The following SPTB variants were observed in gnomAD, a reference collection of about 807,000 sequenced individuals.
SPTB encodes the protein spectrin beta chain, erythrocytic.
SPTB carries 45 observed loss-of-function variants against 256.2 expected under a neutral mutation model. The ratio of observed to expected loss-of-function variants is 0.18; its 90% CI spans 0.14 to 0.23. SPTB has a LOEUF of 0.23. SPTB is among the 10% of genes least tolerant of loss of function. The pLI is 1.00. For missense variants in SPTB, 2,715 were observed against 3,040.4 expected, an observed-to-expected ratio of 0.89 and a Z score of 2.52; for synonymous variants, 1,231 against 1,243.1, an observed-to-expected ratio of 0.99 and a Z score of 0.21.
chr14:64,785,641 CA>C lies in SPTB; in HGVS notation c.3765-15del. The C allele has an allele frequency of 6.2e-7, 1 of 1,613,956 alleles. No individual in the cohort carries two copies. The highest frequency in any genetic ancestry group is 8.5e-7 in the Non-Finnish European group (1 of 1,179,888). The stretch of plus-strand genomic sequence containing the variant: ...TTCTTCCTGTGCCTGGAAAGGAAGC[CA>C]AAAGCACAGTCACAATAGTGCCGAG... On this transcript the variant is annotated splice_polypyrimidine_tract_variant and intron_variant, in intron 17 of 35. Coordinates refer to ENST00000644917, the MANE Select transcript of SPTB (RefSeq NM_001355436.2). This position sits in a 1 kb window ranked among gnomAD's most constrained non-coding sequence, Gnocchi z 4.4.
At position 64,758,834 on chromosome 14, in the gene SPTB, G is replaced by A. The variant is rs949155815; in HGVS notation, c.6346-5041C>T. Among the ~76,000 whole-genome samples, 12 of 152,026 alleles carry A rather than the reference G, an allele frequency of 7.9e-5. No homozygotes were observed. Among genetic ancestry groups the A allele is most frequent in the Admixed American group, 4.6e-4 (7 of 15,260 alleles). The stretch of plus-strand genomic sequence containing the variant: ...CACAGCCCTGCAAGTATGTGAGTGT[G>A]TATGTGTATGTAAAGATCTTTTGCA... On this transcript the variant is annotated intron_variant, in intron 32 of 35. Transcript: ENST00000644917. The surrounding 1 kb of genome is among the most constrained non-coding windows in gnomAD (Gnocchi z 4.6).
At chr14:64,801,969 G>A in intron 5 of SPTB, 135 bp from the exon 6 acceptor site, 1 of 926,296 alleles carries the variant, frequency 1.1e-6, no homozygotes. Context: ...AGAGGGGGCA[G>A]CAGCTAACCA....
rs2082344169 is a variant in SPTB, at chr14:64,775,510, T to C, written c.4564-107A>G. 1 of 1,418,404 alleles carries C rather than the reference T, an allele frequency of 7.1e-7. No homozygotes were observed. The highest frequency in any genetic ancestry group is 2.3e-5 in the Admixed American group (1 of 44,056). 87.9% of individuals were successfully genotyped at this position (1,418,404 alleles called of 1,614,324 possible). A position where few individuals can be genotyped will look rare whatever the true frequency, so the allele number is the denominator to read the frequency against. On this transcript the variant is annotated intron_variant, in intron 22 of 35. Coordinates refer to ENST00000644917, the MANE Select transcript of SPTB (RefSeq NM_001355436.2). This position sits in a 1 kb window ranked among gnomAD's most constrained non-coding sequence, Gnocchi z 5.0. Reference sequence around the variant, plus strand: ...ACACCCTTGGTCCCTCTCACCCCCGTTGCTAGAGCAGAGCAGGTGATGGCG... The same window carrying C: ...ACACCCTTGGTCCCTCTCACCCCCGCTGCTAGAGCAGAGCAGGTGATGGCG...
rs764568656 is a variant in SPTB, at chr14:64,803,793, AG to A, written c.301-14del. On this transcript the variant is annotated splice_polypyrimidine_tract_variant and intron_variant, in intron 3 of 35. Transcript: ENST00000644917. ...TGGTGGGCTTTGGCTGGGGGACAGC[AG>A]TGGCCCCCGTGGGCATGGAGGGACT... 1.2e-5 allele frequency: 19 copies of A among 1,600,034 alleles called. No homozygotes were observed. In the African/African-American group the frequency reaches 1.7e-4, roughly 15 times the overall value.
chr14:64,752,886 T>G (rs930558202), intron 33 of SPTB, among the ~76,000 whole-genome samples: 1 of 151,996 alleles, frequency 6.6e-6, no homozygotes, highest in Non-Finnish European at 1.5e-5. Flanking sequence ...AGGAGGCCCC[T>G]GGGGGCCCCA....
At position 64,786,896 on chromosome 14, in the gene SPTB, G is replaced by C. The variant is rs142823994; in HGVS notation, c.3069C>G (p.Asp1023Glu). Residue 1023 changes from aspartate (D) to glutamate (E), a missense_variant, in exon 16 of 36, where the codon GAC (aspartate) becomes GAG (glutamate). Physicochemically the swap from Asp to Glu is conservative, Grantham distance 45 (BLOSUM62 2). Around this residue, in one of 4 missense-constraint regions of SPTB, gnomAD observed 2,239 missense variants for 2,384.4 expected, o/e 0.94. Transcript: ENST00000644917. The surrounding 1 kb of genome is among the most constrained non-coding windows in gnomAD (Gnocchi z 5.6). The part of the protein sequence containing the change: ...ALERESQQLM[D>E]SHPEQKEDIG... The stretch of plus-strand genomic sequence containing the variant: ...TATCCTCCTTCTGCTCAGGGTGCGA[G>C]TCCATCAGCTGCTGGGACTCACGCT... The C allele has an allele frequency of 6.2e-7, 1 of 1,612,868 alleles. No individual in the cohort carries two copies. The highest frequency in any genetic ancestry group is 8.5e-7 in the Non-Finnish European group (1 of 1,180,044).
intron 4 of SPTB, among the ~76,000 whole-genome samples, chr14:64,803,394 A>T (rs1196175221): frequency 6.6e-6 from 1 of 152,198 alleles, no homozygotes; most frequent in Non-Finnish European, 1.5e-5. Context: ...AAAAGACCAT[A>T]CTACTGAGTG....
At chr14:64,860,377 G>A (rs2083948431) in intron 1 of SPTB, among the ~76,000 whole-genome samples, 1 of 152,176 alleles carries the variant, frequency 6.6e-6, no homozygotes, top group African/African-American at 2.4e-5. Flanking sequence ...GGCACTGAGA[G>A]GCACAGGAGG....
At chr14:64,765,378 G>C (rs185839361) in intron 32 of SPTB, among the ~76,000 whole-genome samples, 180 of 152,248 alleles carry the variant, frequency 1.2e-3, no homozygotes, top group Admixed American at 3.8e-3. Flanking sequence ...CCCCAGAGCA[G>C]CTCCCTAAGC....
Position 64,793,717 on chromosome 14 carries a change from G to A in SPTB, c.1946C>T (p.Ala649Val). ...LWKFFWEMDE[A>V]ESWIKEKEQI... Reference sequence around the variant, plus strand: ...CTCCTTCTCCTTGATCCAGCTCTCAGCCTCATCCATCTCCCAGAAGAACTT... The same window carrying A: ...CTCCTTCTCCTTGATCCAGCTCTCAACCTCATCCATCTCCCAGAAGAACTT... The change falls in exon 14 of 36, where the codon GCT becomes GTT. Residue 649 changes from alanine to valine, a missense_variant. Transcript: ENST00000644917. This position sits in a 1 kb window ranked among gnomAD's most constrained non-coding sequence, Gnocchi z 7.0. The A allele has an allele frequency of 6.2e-7, 1 of 1,614,154 alleles. No homozygotes were observed. The highest frequency in any genetic ancestry group is 8.5e-7 in the Non-Finnish European group (1 of 1,180,042).
intron 2 of SPTB, among the ~76,000 whole-genome samples, chr14:64,822,366 T>TGG: frequency 2.5e-3 from 2 of 786 alleles, no homozygotes; most frequent in Non-Finnish European, 4.3e-3. Context: ...TCTCTCTCTC[T>TGG]CTCTCTCTCA....
At chr14:64,821,365 T>C (rs192732727) in intron 2 of SPTB, among the ~76,000 whole-genome samples, 10 of 152,332 alleles carry the variant, frequency 6.6e-5, no homozygotes, top group African/African-American at 2.2e-4. Context: ...GCTTTAAACA[T>C]AGTAGGAGTA....
At position 64,785,914 on chromosome 14, in the gene SPTB, A is replaced by G; in HGVS notation, c.3599T>C (p.Leu1200Pro). 1 of 1,614,098 alleles carries G rather than the reference A, an allele frequency of 6.2e-7. No homozygotes were observed. Among genetic ancestry groups the G allele is most frequent in the South Asian group, 1.1e-5 (1 of 91,082 alleles). The change falls in exon 17 of 36, where the codon CTG (leucine) becomes CCG (proline). Residue 1200 changes from leucine to proline, a missense_variant. Coordinates refer to ENST00000644917, the MANE Select transcript of SPTB (RefSeq NM_001355436.2). The surrounding 1 kb of genome is among the most constrained non-coding windows in gnomAD (Gnocchi z 4.4). ...CCGGATCCCAGCCTCTGCAGCTTCC[A>G]GGGAGTCTGGGGGCTCCAAGTGAGC... ...TLAHLEPPDS[L>P]EAAEAGIRKF...
At chr14:64,837,834 CTGG>C (rs2139743505) in intron 1 of SPTB, among the ~76,000 whole-genome samples, 2 of 125,684 alleles carry the variant, frequency 1.6e-5, no homozygotes, top group East Asian at 2.4e-4. Flanking sequence ...CTCCTGACCT[CTGG>C]ATCACCTCTG....
chr14:64,752,728 G>A (rs2081969749), intron 33 of SPTB, among the ~76,000 whole-genome samples: 1 of 152,152 alleles, frequency 6.6e-6, no homozygotes, highest in Non-Finnish European at 1.5e-5. Context: ...GCCCCCAAAT[G>A]GTTCCTTTTT....
Position 64,762,453 on chromosome 14 carries a change from A to C in SPTB, c.6345+4273T>G, listed in dbSNP as rs561618347. Among the ~76,000 whole-genome samples the C allele has an allele frequency of 5.3e-5, 8 of 152,324 alleles. No homozygotes were observed. The East Asian group carries it at 1.5e-3, about 29-fold the overall frequency. ...GCTGGGGGAGGTGCTCAGGTTGCCA[A>C]GGGGCAGCAGCAGCTGGAGCCAGCC... On this transcript the variant is annotated intron_variant, in intron 32 of 35. Transcript: ENST00000644917.
At chr14:64,768,638 ACCCCAACCCCTCTCCCAGAC>A (rs1185677891) in intron 29 of SPTB, among the ~76,000 whole-genome samples, 1 of 151,126 alleles carries the variant, frequency 6.6e-6, no homozygotes, top group Non-Finnish European at 1.5e-5. Flanking sequence ...TCAGAGCCTT[ACCCCAACCCCTCTCCCAGAC>A]CCCCAACTCC....
intron 32 of SPTB, among the ~76,000 whole-genome samples, chr14:64,761,251 A>G (rs1318417953): frequency 6.6e-6 from 1 of 152,248 alleles, no homozygotes; most frequent in East Asian, 1.9e-4. Context: ...AAGGCTGTTC[A>G]GAAGACAGTT....
At chr14:64,855,741 G>A (rs1051301828) in intron 1 of SPTB, among the ~76,000 whole-genome samples, 2 of 152,226 alleles carry the variant, frequency 1.3e-5, no homozygotes, top group Admixed American at 6.5e-5. Flanking sequence ...GAAAGAAACT[G>A]GAGGGCTGGG....
Sources: gnomAD v4.1 joint callset for allele counts (sites outside exome capture counted in the v4.1 genomes callset) on GRCh38, gnomAD v4.1.1 for gene constraint, gnomAD v4.1.1 regional missense constraint, Gnocchi (gnomAD v3.1) non-coding constraint, MANE v1.5 for transcripts, NCBI Gene and HGNC (gene_info 2026-07-23, HGNC 2026-07-21) for gene names.